The following CACNA2D1 variants were observed in gnomAD, a reference collection of about 807,000 sequenced individuals.
CACNA2D1 encodes the protein calcium voltage-gated channel auxiliary subunit alpha2delta 1, also known as voltage-dependent calcium channel subunit alpha-2/delta-1.
In CACNA2D1, 53 loss-of-function variants were observed where a neutral mutation model predicts 171.5. The ratio of observed to expected loss-of-function variants is 0.31; its 90% CI spans 0.25 to 0.39. The LOEUF (loss-of-function observed/expected upper bound fraction) is 0.39, where lower values mean the gene tolerates loss of function less well. Ranked by LOEUF, CACNA2D1 falls within the 10% of genes least tolerant of loss-of-function variation. The probability of loss-of-function intolerance (pLI) is 1.00; values close to 1 mark genes in which losing one functional copy is unlikely to be tolerated. For missense variants in CACNA2D1, 903 were observed against 1,299.8 expected, an observed-to-expected ratio of 0.69 and a Z score of 4.69; for synonymous variants, 442 against 443.1, an observed-to-expected ratio of 1.00 and a Z score of 0.03.
At chr7:81,987,345 ATTAAAGT>A (rs1797074439) in intron 21 of CACNA2D1, among the ~76,000 whole-genome samples, 1 of 152,116 alleles carries the variant, frequency 6.6e-6, no homozygotes, top group Non-Finnish European at 1.5e-5. Flanking sequence ...CCTTCTAGAG[ATTAAAGT>A]TTAATAAAGC....
chr7:82,296,040 A>T (rs937581455), intron 3 of CACNA2D1, among the ~76,000 whole-genome samples: 5 of 151,220 alleles, frequency 3.3e-5, no homozygotes, highest in Admixed American at 2.6e-4. Flanking sequence ...GTTCTCACTC[A>T]TAGATGGGAA....
chr7:82,359,856 C>T (rs1200536694), intron 1 of CACNA2D1, among the ~76,000 whole-genome samples: 4 of 152,160 alleles, frequency 2.6e-5, no homozygotes, highest in African/African-American at 9.7e-5. Context: ...ACTTAAAAAA[C>T]AACAGGTAAT....
At chr7:82,286,891 G>T (rs1441342789) in intron 3 of CACNA2D1, among the ~76,000 whole-genome samples, 1 of 152,048 alleles carries the variant, frequency 6.6e-6, no homozygotes, top group East Asian at 1.9e-4. Flanking sequence ...TGGGCTGCTT[G>T]GAACACATTT....
chr7:82,386,190 A>G (rs1453503476), intron 1 of CACNA2D1, among the ~76,000 whole-genome samples: 1 of 152,150 alleles, frequency 6.6e-6, no homozygotes, highest in Non-Finnish European at 1.5e-5. Flanking sequence ...ACCCACTGCA[A>G]TAACTGCATT....
At chr7:82,256,164 C>T (rs1331067042) in intron 3 of CACNA2D1, among the ~76,000 whole-genome samples, 2 of 152,000 alleles carry the variant, frequency 1.3e-5, no homozygotes, top group African/African-American at 2.4e-5. Flanking sequence ...ATATAATAGC[C>T]GGGCATGGCG....
chr7:82,157,029 C>A (rs576220497), intron 4 of CACNA2D1, among the ~76,000 whole-genome samples: 7 of 152,090 alleles, frequency 4.6e-5, no homozygotes, highest in Admixed American at 1.3e-4. Context: ...TTGGAGGATA[C>A]GGCTCCATGG....
chr7:82,085,894 G>A (rs1810422434), intron 6 of CACNA2D1, among the ~76,000 whole-genome samples: 1 of 152,116 alleles, frequency 6.6e-6, no homozygotes, highest in Admixed American at 6.6e-5. Flanking sequence ...GGTTAAAATA[G>A]TGCATAATTT....
intron 1 of CACNA2D1, among the ~76,000 whole-genome samples, chr7:82,403,878 T>C (rs1826732417): frequency 1.3e-5 from 2 of 152,204 alleles, no homozygotes; most frequent in Admixed American, 1.3e-4. Flanking sequence ...AGTATTTTTC[T>C]ACAATGGACA....
chr7:82,303,056 C>T (rs919337417), intron 3 of CACNA2D1, among the ~76,000 whole-genome samples: 7 of 152,042 alleles, frequency 4.6e-5, no homozygotes, highest in South Asian at 4.2e-4. Context: ...TGCAGTGGTG[C>T]GATCTCGGCT....
At chr7:82,176,885 G>C (rs986061775) in intron 3 of CACNA2D1, among the ~76,000 whole-genome samples, 1 of 151,868 alleles carries the variant, frequency 6.6e-6, no homozygotes, top group Non-Finnish European at 1.5e-5. Flanking sequence ...GTGTTTTACA[G>C]ATGCTTTCTC....
intron 3 of CACNA2D1, 91 bp from the exon 4 acceptor site, chr7:82,170,700 G>A (rs1040670995): frequency 7.8e-6 from 9 of 1,158,918 alleles, no homozygotes; most frequent in African/African-American, 7.6e-5. Context: ...TCAATTTTGA[G>A]GACATAAAAA....
intron 2 of CACNA2D1, among the ~76,000 whole-genome samples, chr7:82,336,366 A>G (rs180903037): frequency 6.6e-4 from 100 of 152,324 alleles, no homozygotes; most frequent in African/African-American, 2.2e-3. Flanking sequence ...ACATGGACTT[A>G]TAATTTTTTA....
intron 4 of CACNA2D1, among the ~76,000 whole-genome samples, chr7:82,142,281 C>T (rs147840907): frequency 1.0e-3 from 152 of 152,324 alleles, no homozygotes; most frequent in African/African-American, 3.7e-3. Flanking sequence ...TAATATAATA[C>T]TGCTGCTTAC....
At position 82,003,627 on chromosome 7, in the gene CACNA2D1, A is replaced by C. The variant is rs369665411; in HGVS notation, c.1590+1796T>G. 1.5e-4 allele frequency among the ~76,000 whole-genome samples: 23 copies of C among 150,266 alleles called. No homozygotes were observed. In the South Asian group the frequency reaches 4.8e-3, roughly 31 times the overall value. On this transcript the variant is annotated intron_variant, in intron 18 of 38. Coordinates refer to ENST00000356860, the MANE Select transcript of CACNA2D1 (RefSeq NM_000722.4). Reference sequence around the variant, plus strand: ...TAGATATATAGATATATATATATAAATCATATATGCATTATTGTACTTATT... The same window carrying C: ...TAGATATATAGATATATATATATAACTCATATATGCATTATTGTACTTATT...
chr7:82,385,574 A>G (rs956342237), intron 1 of CACNA2D1, among the ~76,000 whole-genome samples: 2 of 152,140 alleles, frequency 1.3e-5, no homozygotes, highest in African/African-American at 2.4e-5. Flanking sequence ...TTGCAAATGT[A>G]TTTTTGGAAC....
chr7:82,389,132 G>T (rs187327072), intron 1 of CACNA2D1, among the ~76,000 whole-genome samples: 1,658 of 137,758 alleles, frequency 0.012, 60 homozygotes, highest in East Asian at 0.073. Context: ...ATAATAATTA[G>T]TATATATATA....
intron 1 of CACNA2D1, among the ~76,000 whole-genome samples, chr7:82,408,002 C>T (rs1827234870): frequency 6.6e-6 from 1 of 151,504 alleles, no homozygotes; most frequent in Admixed American, 6.6e-5. Flanking sequence ...AAAAGGACTA[C>T]ACAACCCGGC....
At chr7:82,369,443 C>T (rs994277554) in intron 1 of CACNA2D1, among the ~76,000 whole-genome samples, 18 of 151,760 alleles carry the variant, frequency 1.2e-4, no homozygotes, top group Admixed American at 6.6e-5. Flanking sequence ...AGTACTTCAA[C>T]AGTTCTTTTT....
chr7:81,983,129 C>A (rs2130645065), intron 23 of CACNA2D1, among the ~76,000 whole-genome samples, 185 bp downstream of exon 23: 1 of 152,164 alleles, frequency 6.6e-6, no homozygotes, highest in Non-Finnish European at 1.5e-5. Flanking sequence ...GAATGTGAAC[C>A]AGCTTGCATA....
Sources: gnomAD v4.1 joint callset for allele counts (sites outside exome capture counted in the v4.1 genomes callset) on GRCh38, gnomAD v4.1.1 for gene constraint, MANE v1.5 for transcripts, NCBI Gene and HGNC (gene_info 2026-07-23, HGNC 2026-07-21) for gene names.